MYO9A: variants seen among roughly 807,000 people sequenced by gnomAD.
MYO9A encodes the protein unconventional myosin-IXa.
Under a neutral mutation model 293.3 loss-of-function variants are expected in MYO9A, and 103 were observed. That is an observed-to-expected ratio of 0.35 (90% CI 0.30 to 0.41). The LOEUF (loss-of-function observed/expected upper bound fraction) is 0.41, where lower values mean the gene tolerates loss of function less well. MYO9A is among the 10% of genes least tolerant of loss of function. The pLI is 1.00. For synonymous variants in MYO9A, 1,001 were observed against 1,035.7 expected, an observed-to-expected ratio of 0.97 and a Z score of 0.64; for missense variants, 2,685 against 3,033.0, an observed-to-expected ratio of 0.89 and a Z score of 2.69.
chr15:71,992,760 CA>C (rs2076576714), intron 10 of MYO9A, among the ~76,000 whole-genome samples: 1 of 151,282 alleles, frequency 6.6e-6, no homozygotes, highest in South Asian at 2.1e-4. Context: ...TATAATCTGC[CA>C]TATTAAAAAT....
At chr15:72,075,578 G>A (rs2079325082) in intron 1 of MYO9A, among the ~76,000 whole-genome samples, 1 of 151,846 alleles carries the variant, frequency 6.6e-6, no homozygotes, top group Non-Finnish European at 1.5e-5. Context: ...AATAACAGAT[G>A]AGACACAGAA....
At chr15:72,050,336 C>A (rs575055323) in intron 1 of MYO9A, among the ~76,000 whole-genome samples, 130 of 152,086 alleles carry the variant, frequency 8.5e-4, no homozygotes, top group African/African-American at 3.0e-3. Flanking sequence ...CAGCCGGGTG[C>A]GGTGGCTCAC....
chr15:72,065,935 T>C (rs570148353), intron 1 of MYO9A, among the ~76,000 whole-genome samples: 2 of 152,364 alleles, frequency 1.3e-5, no homozygotes, highest in South Asian at 4.1e-4. Flanking sequence ...ACCATGAATT[T>C]TGGCTACACC....
At chr15:72,041,564 G>A (rs1429536265) in intron 2 of MYO9A, 2 of 338,348 alleles carry the variant, frequency 5.9e-6, no homozygotes, top group Non-Finnish European at 1.1e-5. Context: ...TGAACATCAT[G>A]AAGTCACTTT....
chr15:71,982,005 A>ATTTTTT (rs750930471), intron 11 of MYO9A, among the ~76,000 whole-genome samples: 6 of 56,260 alleles, frequency 1.1e-4, no homozygotes, highest in Admixed American at 3.0e-4. Context: ...CCTATTTAGA[A>ATTTTTT]TTTTTTTTTT....
chr15:71,865,379 TCAAA>T (rs1462639385), intron 32 of MYO9A, among the ~76,000 whole-genome samples: 1 of 152,164 alleles, frequency 6.6e-6, no homozygotes, highest in Non-Finnish European at 1.5e-5. Flanking sequence ...GCAGCATTAT[TCAAA>T]CAAAAAGTAG....
At chr15:71,887,148 G>A (rs2057045108) in intron 27 of MYO9A, among the ~76,000 whole-genome samples, 1 of 152,026 alleles carries the variant, frequency 6.6e-6, no homozygotes, top group African/African-American at 2.4e-5. Context: ...CAGAATCCAA[G>A]TCCAAAGCTG....
intron 12 of MYO9A, among the ~76,000 whole-genome samples, chr15:71,974,156 A>T (rs1398692110): frequency 3.3e-5 from 5 of 152,232 alleles, no homozygotes. Flanking sequence ...ATGGATTTGG[A>T]CAATCATCAT....
At chr15:71,935,795 C>A (rs543426193) in intron 16 of MYO9A, among the ~76,000 whole-genome samples, 2 of 152,032 alleles carry the variant, frequency 1.3e-5, no homozygotes, top group East Asian at 3.9e-4. Context: ...ATAGTATCTT[C>A]CCTCTTTGTT....
chr15:72,049,974 T>A (rs896038021), intron 1 of MYO9A, among the ~76,000 whole-genome samples: 2 of 152,216 alleles, frequency 1.3e-5, no homozygotes, highest in East Asian at 1.9e-4. Flanking sequence ...AGGAGTCCTA[T>A]CTTGGACCAC....
At chr15:71,854,249 C>T in intron 35 of MYO9A, 128 bp downstream of exon 35, 1 of 749,198 alleles carries the variant, frequency 1.3e-6, no homozygotes. Context: ...GATAACAAAG[C>T]ATCACAGAAA....
At chr15:71,886,931 G>A (rs1305178309) in intron 27 of MYO9A, among the ~76,000 whole-genome samples, 1 of 151,952 alleles carries the variant, frequency 6.6e-6, no homozygotes, top group Non-Finnish European at 1.5e-5. Context: ...TACAGTCAGC[G>A]AAAAAGTGGT....
chr15:72,115,976 T>C (rs1489419016), intron 1 of MYO9A, among the ~76,000 whole-genome samples: 1 of 151,436 alleles, frequency 6.6e-6, no homozygotes, highest in Non-Finnish European at 1.5e-5. Flanking sequence ...TCCATATGTA[T>C]TGTTAAGAAA....
chr15:71,897,887 C>T lies in MYO9A; in HGVS notation c.4616G>A (p.Gly1539Glu), dbSNP rs1281302956. The T allele has an allele frequency of 2.5e-6, 4 of 1,614,130 alleles. No homozygotes were observed. Among genetic ancestry groups the T allele is most frequent in the Non-Finnish European group, 3.4e-6 (4 of 1,180,022 alleles). ...GGAAGATGGTGCCACCAAACACTCT[C>T]CAATTCTTGGCTTTTCAATTGTCTT... Reference protein sequence around the residue: ...AFKTIEKPRIGECLVAPSSYQ... With the variant: ...AFKTIEKPRIEECLVAPSSYQ... The change falls in exon 25 of 42, where the codon GGA becomes GAA. Residue 1539 changes from glycine (G) to glutamate (E), a missense_variant. Physicochemically the swap from Gly to Glu is moderately conservative, Grantham distance 98. This residue lies in a region of MYO9A where 1,434 missense variants were observed against 1,497.7 expected (regional missense o/e 0.96). Coordinates refer to ENST00000356056, the MANE Select transcript of MYO9A (RefSeq NM_006901.4).
intron 1 of MYO9A, among the ~76,000 whole-genome samples, chr15:72,100,032 T>G (rs1399637634): frequency 2.0e-5 from 3 of 151,142 alleles, no homozygotes; most frequent in Non-Finnish European, 4.4e-5. Context: ...GCGGATCACC[T>G]GAGGTCAGGA....
At chr15:71,859,619 A>C (rs2056029151) in intron 34 of MYO9A, 116 bp downstream of exon 34, 2 of 748,844 alleles carry the variant, frequency 2.7e-6, no homozygotes, top group Middle Eastern at 3.5e-4. Context: ...ATTTGTGGTC[A>C]AAAAGTTTAA....
intron 1 of MYO9A, among the ~76,000 whole-genome samples, chr15:72,059,206 T>A (rs1223543676): frequency 6.6e-6 from 1 of 152,146 alleles, no homozygotes; most frequent in Non-Finnish European, 1.5e-5. Context: ...CTTGGGGAAA[T>A]GGCAAGTCTT....
intron 19 of MYO9A, among the ~76,000 whole-genome samples, chr15:71,913,591 T>C (rs1222530111): frequency 1.3e-5 from 2 of 152,204 alleles, no homozygotes; most frequent in Non-Finnish European, 2.9e-5. Context: ...TATTGATTTT[T>C]TTTTCCCCCT....
At chr15:72,010,253 C>A in intron 7 of MYO9A, 97 bp downstream of exon 7, 1 of 933,238 alleles carries the variant, frequency 1.1e-6, no homozygotes. Flanking sequence ...AAGAATACCA[C>A]TTAGAAAACT....
Sources: allele counts gnomAD v4.1 joint callset (sites outside exome capture counted in the v4.1 genomes callset), GRCh38; gene constraint gnomAD v4.1.1; regional missense constraint gnomAD v4.1.1; transcripts MANE v1.5; gene names NCBI Gene and HGNC (gene_info 2026-07-23, HGNC 2026-07-21).